Variants in DEFB114 observed in about 807,000 individuals in gnomAD.
The protein encoded by DEFB114 is beta-defensin 114.
In DEFB114, 4 loss-of-function variants were observed where a neutral mutation model predicts 2.4. The ratio of observed to expected loss-of-function variants is 1.67; its 90% CI spans 0.82 to 3.82. The LOEUF (loss-of-function observed/expected upper bound fraction) is 3.82. DEFB114 is among the 30% of genes most tolerant of loss of function. DEFB114 has a pLI of 0.01. For missense variants in DEFB114, 113 were observed against 85.8 expected (o/e 1.32, Z -1.25); for synonymous variants, 35 against 24.6 (o/e 1.42, Z -1.26).
At position 49,964,114 on chromosome 6, in the gene DEFB114, A is replaced by G; in HGVS notation, c.-9T>C. On this transcript the variant is annotated 5_prime_UTR_variant, in exon 1 of 2. Coordinates refer to ENST00000322066, the MANE Select transcript of DEFB114 (RefSeq NM_001037499.2). ...TAGTAAAAGATCCTCATTCTGTAGA[A>G]AGAAGTTGTTGAAAGACTTGATAAC... 2 of 1,578,274 alleles carry G rather than the reference A, an allele frequency of 1.3e-6. No homozygotes were observed. The highest frequency in any genetic ancestry group is 1.7e-6 in the Non-Finnish European group (2 of 1,159,154).
At chr6:49,962,269 G>C (rs1471646047) in intron 1 of DEFB114, among the ~76,000 whole-genome samples, 1 of 150,342 alleles carries the variant, frequency 6.7e-6, no homozygotes, top group Non-Finnish European at 1.5e-5. Context: ...TTTCAATTTA[G>C]TAATTATGAT....
chr6:49,964,028 T>C (rs778869229), intron 1 of DEFB114, 23 bp downstream of exon 1: 11 of 1,524,556 alleles, frequency 7.2e-6, no homozygotes, highest in Non-Finnish European at 9.8e-6. Flanking sequence ...TTTACACAAA[T>C]ATAACAGAGA....
chr6:49,961,508 G>T (rs913543862), intron 1 of DEFB114, among the ~76,000 whole-genome samples: 1 of 150,666 alleles, frequency 6.6e-6, no homozygotes, highest in Non-Finnish European at 1.5e-5. Flanking sequence ...ATCTCTTTCA[G>T]CTATCAATTG....
rs1773437014 is a variant in DEFB114, at chr6:49,960,381, G to T, written c.121C>A (p.Leu41Ile). Residue 41 changes from leucine to isoleucine, a missense_variant, in exon 2 of 2, where the codon CTT (leucine) becomes ATT (isoleucine). Physicochemically the swap from Leu to Ile is conservative, Grantham distance 5. Coordinates refer to ENST00000322066, the MANE Select transcript of DEFB114 (RefSeq NM_001037499.2). ...ATGTCTATTTGCTTTTCACTCTCAA[G>T]ACAGTCTCTTTTACAACGACCGTAA... is the stretch of plus-strand genomic sequence containing the variant. ...KRYGRCKRDC[L>I]ESEKQIDICS... The T allele has an allele frequency of 1.2e-6, 2 of 1,608,404 alleles. No individual in the cohort carries two copies. Among genetic ancestry groups the T allele is most frequent in the African/African-American group, 1.3e-5 (1 of 74,236 alleles).
intron 1 of DEFB114, among the ~76,000 whole-genome samples, chr6:49,963,199 AAAGAAAATTACTCATTAAT>A (rs1773490281): frequency 6.7e-6 from 1 of 150,234 alleles, no homozygotes; most frequent in Admixed American, 6.7e-5. Flanking sequence ...ACATTACAAG[AAAGAAAATTACTCATTAAT>A]ACAGATGCAA....
chr6:49,960,398 C>A lies in DEFB114; in HGVS notation c.104G>T (p.Arg35Leu), dbSNP rs146020038. 98 of 1,607,650 alleles carry A rather than the reference C, an allele frequency of 6.1e-5. No individual in the cohort carries two copies. In the African/African-American group the frequency reaches 1.1e-3, roughly 18 times the overall value. The change falls in exon 2 of 2, where the codon CGT becomes CTT. Residue 35 changes from arginine (R) to leucine (L), a missense_variant. Coordinates refer to ENST00000322066, the MANE Select transcript of DEFB114 (RefSeq NM_001037499.2). ...ACTCTCAAGACAGTCTCTTTTACAA[C>A]GACCGTAACGTTTGGTGCAACGATC... The part of the protein sequence containing the change: ...NADRCTKRYG[R>L]CKRDCLESEK...
rs368535566 is a variant in DEFB114, at chr6:49,960,268, T to C, written c.*24A>G. The C allele has an allele frequency of 3.7e-5, 59 of 1,574,946 alleles. No homozygotes were observed. Among genetic ancestry groups the C allele is most frequent in the Non-Finnish European group, 4.8e-5 (56 of 1,162,590 alleles). ...CTGCACTGGTGCACATGTAACTTCT[T>C]TGTTCAGAGGTATGCCTTTCTTTTC... On this transcript the variant is annotated 3_prime_UTR_variant, in exon 2 of 2. Coordinates refer to ENST00000322066, the MANE Select transcript of DEFB114 (RefSeq NM_001037499.2).
intron 1 of DEFB114, among the ~76,000 whole-genome samples, chr6:49,963,819 T>C (rs966506571): frequency 6.7e-6 from 1 of 149,912 alleles, no homozygotes; most frequent in Non-Finnish European, 1.5e-5. Context: ...TCCAAAAAAA[T>C]TGAAAGATGT....
At chr6:49,960,869 G>C (rs764703705) in intron 1 of DEFB114, among the ~76,000 whole-genome samples, 41 of 150,746 alleles carry the variant, frequency 2.7e-4, no homozygotes, top group South Asian at 2.1e-4. Context: ...CCTTATGATA[G>C]TTGTAAAAAA....
intron 1 of DEFB114, among the ~76,000 whole-genome samples, chr6:49,962,579 T>C (rs1773480486): frequency 6.6e-6 from 1 of 150,492 alleles, no homozygotes; most frequent in South Asian, 2.1e-4. Flanking sequence ...CTGACAAAAG[T>C]TTCCAAATTT....
At chr6:49,962,961 GA>G (rs1264731243) in intron 1 of DEFB114, among the ~76,000 whole-genome samples, 1 of 150,078 alleles carries the variant, frequency 6.7e-6, no homozygotes, top group Non-Finnish European at 1.5e-5. Context: ...ACAACAAAAA[GA>G]AATAGAAAAT....
intron 1 of DEFB114, among the ~76,000 whole-genome samples, chr6:49,961,721 A>C (rs1293314408): frequency 6.6e-6 from 1 of 150,830 alleles, no homozygotes; most frequent in African/African-American, 2.4e-5. Context: ...CTATGTAAAC[A>C]CTACCCAAGT....
Position 49,960,277 on chromosome 6 carries a change from G to T in DEFB114, c.*15C>A, listed in dbSNP as rs770691322. On this transcript the variant is annotated 3_prime_UTR_variant, in exon 2 of 2. Transcript: ENST00000322066. The stretch of plus-strand genomic sequence containing the variant: ...TGCACATGTAACTTCTTTGTTCAGA[G>T]GTATGCCTTTCTTTTCAAAACATAT... 6.9e-6 allele frequency: 11 copies of T among 1,593,450 alleles called. No individual in the cohort carries two copies. Among genetic ancestry groups the T allele is most frequent in the Non-Finnish European group, 9.4e-6 (11 of 1,169,328 alleles).
At chr6:49,960,902 C>T (rs373071434) in intron 1 of DEFB114, among the ~76,000 whole-genome samples, 18 of 150,836 alleles carry the variant, frequency 1.2e-4, no homozygotes, top group East Asian at 7.8e-4. Flanking sequence ...AGTTTTGGTA[C>T]TGCCACAAAA....
intron 1 of DEFB114, among the ~76,000 whole-genome samples, chr6:49,963,771 G>C (rs549037101): frequency 1.3e-5 from 2 of 149,700 alleles, no homozygotes; most frequent in African/African-American, 4.8e-5. Flanking sequence ...ATATATTATA[G>C]TTTTCTGAAC....
At chr6:49,961,755 C>T in intron 1 of DEFB114, among the ~76,000 whole-genome samples, 1 of 150,688 alleles carries the variant, frequency 6.6e-6, no homozygotes, top group South Asian at 2.1e-4. Context: ...ATTTCCGGCA[C>T]ACTTGTGCCC....
chr6:49,962,147 C>A (rs1372992360), intron 1 of DEFB114, among the ~76,000 whole-genome samples: 1 of 150,460 alleles, frequency 6.6e-6, no homozygotes, highest in Non-Finnish European at 1.5e-5. Context: ...TACATAGCTT[C>A]AACATTAATA....
intron 1 of DEFB114, among the ~76,000 whole-genome samples, chr6:49,960,858 T>G (rs1773447188): frequency 6.6e-6 from 1 of 150,898 alleles, no homozygotes; most frequent in African/African-American, 2.4e-5. Flanking sequence ...ATATGATATA[T>G]CCTTATGATA....
At chr6:49,963,039 C>T (rs1192862924) in intron 1 of DEFB114, among the ~76,000 whole-genome samples, 1 of 149,936 alleles carries the variant, frequency 6.7e-6, no homozygotes, top group Non-Finnish European at 1.5e-5. Flanking sequence ...GGGAAAATAC[C>T]CAGCCCAGAT....
Sources: allele counts gnomAD v4.1 joint callset (sites outside exome capture counted in the v4.1 genomes callset), GRCh38; gene constraint gnomAD v4.1.1; transcripts MANE v1.5; gene names NCBI Gene and HGNC (gene_info 2026-07-23, HGNC 2026-07-21).